Variants in XYLB observed in about 807,000 individuals in gnomAD.
XYLB encodes xylulokinase.
Under a neutral mutation model 78.7 loss-of-function variants are expected in XYLB, and 62 were observed. The observed-to-expected ratio is 0.79, with a 90% CI of 0.64 to 0.97. The LOEUF is 0.97. Among genes scored for constraint, XYLB ranks in the 50% least tolerant of loss-of-function variants. The pLI, the probability that XYLB is intolerant of heterozygous loss-of-function variation, is 0.00. For synonymous variants in XYLB, 245 were observed against 247.4 expected, an observed-to-expected ratio of 0.99 and a Z score of 0.09; for missense variants, 687 against 676.8, an observed-to-expected ratio of 1.02 and a Z score of -0.17.
the XYLB span, among the ~76,000 whole-genome samples, chr3:38,434,068 G>A: frequency 6.6e-6 from 1 of 152,252 alleles, no homozygotes. Context: ...AGCACTGAGT[G>A]AAGGTGGGGA....
intron 18 of XYLB, among the ~76,000 whole-genome samples, chr3:38,410,052 C>T (rs1055981817): frequency 1.1e-4 from 17 of 152,038 alleles, no homozygotes; most frequent in Non-Finnish European, 2.1e-4. Context: ...TCATATGGAA[C>T]CAAAAAAGAG....
At chr3:38,412,540 G>C (rs955464415) in intron 18 of XYLB, among the ~76,000 whole-genome samples, 2 of 152,186 alleles carry the variant, frequency 1.3e-5, no homozygotes, top group Non-Finnish European at 2.9e-5. Context: ...TTCCTTAGGA[G>C]AGCTTCACCA....
downstream of XYLB, among the ~76,000 whole-genome samples, chr3:38,418,136 A>G (rs144176647): frequency 6.7e-6 from 1 of 149,728 alleles, no homozygotes; most frequent in Non-Finnish European, 1.5e-5. Flanking sequence ...TGGAAGTTGC[A>G]GTAAGCTGAG....
Position 38,414,463 on chromosome 3 carries a change from A to G in XYLB, c.*1450A>G, listed in dbSNP as rs1236294497. ...CACCTAGACATTACTTTTTAAAGAC[A>G]TTTTACATTATTGTCCAGCAGAAAA... On this transcript the variant is annotated 3_prime_UTR_variant, in exon 19 of 19. Coordinates refer to ENST00000207870, the MANE Select transcript of XYLB (RefSeq NM_005108.4). 1 of 152,224 alleles carries G rather than the reference A, an allele frequency of 6.6e-6. No homozygotes were observed. The highest frequency in any genetic ancestry group is 2.4e-5 in the African/African-American group (1 of 41,474). The allele number at this position is 152,224 out of a possible 1,614,324, so 9.4% of individuals were successfully genotyped here. A position where few individuals can be genotyped will look rare whatever the true frequency, so the allele number is the denominator to read the frequency against.
chr3:38,429,726 G>A, the XYLB span, among the ~76,000 whole-genome samples: 1 of 152,148 alleles, frequency 6.6e-6, no homozygotes, highest in Non-Finnish European at 1.5e-5. Context: ...CCCATGACAG[G>A]CCCTGGTGTG....
At chr3:38,395,635 T>C in intron 16 of XYLB, 72 bp downstream of exon 16, 1 of 1,505,374 alleles carries the variant, frequency 6.6e-7, no homozygotes, top group East Asian at 2.3e-5. Context: ...AGAGACTGGA[T>C]AGGAAGGACA....
At chr3:38,378,476 G>C (rs1056407131) in intron 14 of XYLB, among the ~76,000 whole-genome samples, 2 of 152,178 alleles carry the variant, frequency 1.3e-5, no homozygotes, top group African/African-American at 2.4e-5. Flanking sequence ...ACAGAGTGCC[G>C]CAAAGGAAAG....
At position 38,379,344 on chromosome 3, in the gene XYLB, T is replaced by C. The variant is rs769843474; in HGVS notation, c.1291+2T>C. On this transcript the variant is annotated splice_donor_variant, in intron 15 of 18. Coordinates refer to ENST00000207870, the MANE Select transcript of XYLB (RefSeq NM_005108.4). LOFTEE classifies it high-confidence loss of function. Reference sequence around the variant, plus strand: ...CAGAAGGCCTGGGCTATCGAGTCAGTAAGTGAGCCACTGGCAGCATGTGTC... The same window carrying C: ...CAGAAGGCCTGGGCTATCGAGTCAGCAAGTGAGCCACTGGCAGCATGTGTC... 6.2e-7 allele frequency: 1 copy of C among 1,613,942 alleles called. No homozygotes were observed. The highest frequency in any genetic ancestry group is 1.7e-5 in the Admixed American group (1 of 60,008).
intron 4 of XYLB, among the ~76,000 whole-genome samples, chr3:38,363,923 G>T (rs1055843229): frequency 6.6e-6 from 1 of 152,242 alleles, no homozygotes; most frequent in African/African-American, 2.4e-5. Flanking sequence ...TAATTTTTCT[G>T]AAGATGCTTC....
At chr3:38,349,293 A>G (rs1362276509) in intron 2 of XYLB, among the ~76,000 whole-genome samples, 1 of 152,264 alleles carries the variant, frequency 6.6e-6, no homozygotes, top group Non-Finnish European at 1.5e-5. Flanking sequence ...TCAGAGCTCC[A>G]TAGGCCATGG....
intron 18 of XYLB, among the ~76,000 whole-genome samples, chr3:38,404,751 A>G (rs1192069643): frequency 1.3e-5 from 2 of 152,184 alleles, no homozygotes; most frequent in African/African-American, 4.8e-5. Context: ...ACTTGAAACC[A>G]GGAGGTGGAA....
rs757578810 is a variant in XYLB, at chr3:38,365,757, G to C, written c.507+21G>C. The C allele has an allele frequency of 1.1e-5, 17 of 1,601,324 alleles. 1 individual carries two copies. The highest frequency in any genetic ancestry group is 8.5e-7 in the Non-Finnish European group (1 of 1,172,946). On this transcript the variant is annotated intron_variant, in intron 6 of 18. Coordinates refer to ENST00000207870, the MANE Select transcript of XYLB (RefSeq NM_005108.4). ...ATGAGGTAGGCTGAGGATGCGGGGG[G>C]TGCAGGGGGTGGTCTGGTTGCAAGC...
chr3:38,408,801 T>A, intron 18 of XYLB, among the ~76,000 whole-genome samples: 1 of 151,554 alleles, frequency 6.6e-6, no homozygotes. Flanking sequence ...ATGGATAAAT[T>A]CCTCGACACA....
chr3:38,400,592 T>G lies in XYLB; in HGVS notation c.1439-299T>G, dbSNP rs370152191. On this transcript the variant is annotated intron_variant, in intron 17 of 18. Coordinates refer to ENST00000207870, the MANE Select transcript of XYLB (RefSeq NM_005108.4). ...TCATATGTCGAGGTTACCCGACCTA[T>G]TCCATGAAAGGCACAACCACAAAGA... is the stretch of plus-strand genomic sequence containing the variant. Among the ~76,000 whole-genome samples, 5 of 152,292 alleles carry G rather than the reference T, an allele frequency of 3.3e-5. No homozygotes were observed. The East Asian group carries it at 7.7e-4, about 23-fold the overall frequency.
At chr3:38,365,368 T>G (rs1706198664) in intron 5 of XYLB, 83 bp downstream of exon 5, 3 of 1,484,728 alleles carry the variant, frequency 2.0e-6, no homozygotes, top group Non-Finnish European at 2.8e-6. Flanking sequence ...CTCATCTCAG[T>G]GTTGCAGCTG....
downstream of XYLB, among the ~76,000 whole-genome samples, chr3:38,416,150 T>C (rs1486357828): frequency 6.6e-6 from 1 of 151,934 alleles, no homozygotes; most frequent in Non-Finnish European, 1.5e-5. Flanking sequence ...TGAAATAGTA[T>C]CAAACTATAT....
chr3:38,412,581 C>G (rs1459625755), intron 18 of XYLB, among the ~76,000 whole-genome samples: 1 of 152,182 alleles, frequency 6.6e-6, no homozygotes, highest in Non-Finnish European at 1.5e-5. Context: ...ATACTATGGG[C>G]TCCTTAATAC....
At chr3:38,347,167 C>G (rs967975998) in intron 1 of XYLB, among the ~76,000 whole-genome samples, 5 of 152,218 alleles carry the variant, frequency 3.3e-5, no homozygotes, top group African/African-American at 1.2e-4. Flanking sequence ...CGCCTGGACC[C>G]AGCTACCCCA....
At chr3:38,368,049 A>G (rs1706354993) in intron 7 of XYLB, 136 bp from the exon 8 acceptor site, 5 of 761,770 alleles carry the variant, frequency 6.6e-6, no homozygotes, top group Non-Finnish European at 1.2e-5. Flanking sequence ...CACAGTCTCC[A>G]CCATTACTTG....
Sources: allele counts gnomAD v4.1 joint callset (sites outside exome capture counted in the v4.1 genomes callset), GRCh38; gene constraint gnomAD v4.1.1; transcripts MANE v1.5; gene names NCBI Gene and HGNC (gene_info 2026-07-23, HGNC 2026-07-21).